Variants in SORCS1 observed in about 807,000 individuals in gnomAD.
SORCS1 encodes sortilin related VPS10 domain containing receptor 1.
Under a neutral mutation model 146.1 loss-of-function variants are expected in SORCS1, and 60 were observed. The observed-to-expected ratio is 0.41, with a 90% confidence interval of 0.33 to 0.51. The LOEUF is 0.51. SORCS1 is among the 20% of genes least tolerant of loss of function. The pLI is 0.21. For missense variants in SORCS1, 1,352 were observed against 1,487.6 expected (o/e 0.91, Z 1.50); for synonymous variants, 637 against 584.0 (o/e 1.09, Z -1.31).
At chr10:107,140,800 T>A (rs1025163738) in intron 1 of SORCS1, among the ~76,000 whole-genome samples, 1 of 152,214 alleles carries the variant, frequency 6.6e-6, no homozygotes, top group African/African-American at 2.4e-5. Flanking sequence ...ACATGCATGA[T>A]CTCTTGTAAT....
intron 2 of SORCS1, among the ~76,000 whole-genome samples, chr10:106,946,836 C>T (rs1227070741): frequency 3.3e-5 from 5 of 152,100 alleles, no homozygotes; most frequent in Non-Finnish European, 5.9e-5. Flanking sequence ...ATGCTTATTC[C>T]CACTGACTAT....
chr10:107,047,702 A>T (rs1253888332), intron 1 of SORCS1, among the ~76,000 whole-genome samples: 4 of 152,138 alleles, frequency 2.6e-5, no homozygotes, highest in South Asian at 2.1e-4. Context: ...TGCGTTGCCA[A>T]TATTTTCCCA....
intron 3 of SORCS1, among the ~76,000 whole-genome samples, chr10:106,824,410 TA>T: frequency 6.6e-6 from 1 of 151,314 alleles, no homozygotes; most frequent in East Asian, 1.9e-4. Flanking sequence ...GCCAAGATGG[TA>T]AAACCCCACC....
At chr10:106,880,147 G>A (rs1169327497) in intron 2 of SORCS1, among the ~76,000 whole-genome samples, 1 of 152,162 alleles carries the variant, frequency 6.6e-6, no homozygotes, top group African/African-American at 2.4e-5. Flanking sequence ...ACCTGGGACA[G>A]GTATTGATCA....
intron 17 of SORCS1, among the ~76,000 whole-genome samples, chr10:106,660,210 C>A (rs773773789): frequency 2.6e-5 from 4 of 152,128 alleles, no homozygotes; most frequent in Non-Finnish European, 4.4e-5. Flanking sequence ...CAGGAAGTGG[C>A]AGGTTAGCAG....
chr10:106,656,811 T>A (rs1485254128), intron 17 of SORCS1, among the ~76,000 whole-genome samples: 2 of 152,188 alleles, frequency 1.3e-5, no homozygotes, highest in African/African-American at 2.4e-5. Flanking sequence ...AATAGATGGA[T>A]ACCCAGGCTC....
intron 1 of SORCS1, among the ~76,000 whole-genome samples, chr10:107,096,941 C>T (rs1052326847): frequency 6.6e-6 from 1 of 152,208 alleles, no homozygotes; most frequent in Non-Finnish European, 1.5e-5. Context: ...CCCCCATTCA[C>T]TTCTCCATGC....
In SORCS1 at chr10:106,729,915, C is replaced by A. The variant is rs78041527; in HGVS notation, c.1024+135G>T. ...AGTCAAAAGAAGCAGGTCACCCCTG[C>A]AACCCCAAATCCTCAGAAACCACAC... On this transcript the variant is annotated intron_variant, in intron 6 of 25. Transcript: ENST00000263054. 2.0e-3 allele frequency: 2,117 copies of A among 1,058,370 alleles called. 29 individuals carry two copies. In the African/African-American group the frequency reaches 0.029, roughly 15 times the overall value. 65.6% of individuals were successfully genotyped at this position (1,058,370 alleles called of 1,614,324 possible). A position where few individuals can be genotyped will look rare whatever the true frequency, so the allele number is the denominator to read the frequency against.
chr10:106,839,691 A>G (rs532479087), intron 2 of SORCS1, among the ~76,000 whole-genome samples: 1 of 152,352 alleles, frequency 6.6e-6, no homozygotes, highest in South Asian at 2.1e-4. Flanking sequence ...AAAGCTAGAG[A>G]GAAGTAGCCA....
At chr10:107,066,175 T>C (rs1961834818) in intron 1 of SORCS1, among the ~76,000 whole-genome samples, 1 of 152,180 alleles carries the variant, frequency 6.6e-6, no homozygotes, top group African/African-American at 2.4e-5. Flanking sequence ...TCATTTGGTC[T>C]GGAATGGAGA....
chr10:106,944,846 A>G (rs1954230772), intron 2 of SORCS1, among the ~76,000 whole-genome samples: 1 of 137,484 alleles, frequency 7.3e-6, no homozygotes, highest in East Asian at 2.2e-4. Context: ...AAAGAGAGCT[A>G]TGGTAGAAAG....
intron 2 of SORCS1, among the ~76,000 whole-genome samples, chr10:106,940,056 G>A (rs1191843208): frequency 1.3e-5 from 2 of 152,292 alleles, no homozygotes; most frequent in Admixed American, 1.3e-4. Context: ...TTGAACAAAT[G>A]TACCTCTGCT....
chr10:106,714,841 C>T (rs941074986), intron 6 of SORCS1, among the ~76,000 whole-genome samples: 2 of 152,244 alleles, frequency 1.3e-5, no homozygotes, highest in African/African-American at 4.8e-5. Context: ...CTTGTTCTTT[C>T]TCTACTTCCC....
intron 1 of SORCS1, among the ~76,000 whole-genome samples, chr10:107,150,794 C>T (rs1590247762): frequency 6.6e-6 from 1 of 152,190 alleles, no homozygotes. Flanking sequence ...CCCGTCTTCA[C>T]TCTACACTTC....
At chr10:107,029,801 A>C (rs898437780) in intron 1 of SORCS1, among the ~76,000 whole-genome samples, 1 of 152,152 alleles carries the variant, frequency 6.6e-6, no homozygotes, top group African/African-American at 2.4e-5. Context: ...ACTCCTATCC[A>C]AGTTTTAGGT....
At chr10:107,130,068 A>C (rs1966851245) in intron 1 of SORCS1, among the ~76,000 whole-genome samples, 1 of 152,224 alleles carries the variant, frequency 6.6e-6, no homozygotes. Flanking sequence ...TCAAGGAAGA[A>C]AAAATGTTTC....
At chr10:106,937,197 T>A (rs542963528) in intron 2 of SORCS1, among the ~76,000 whole-genome samples, 65 of 146,620 alleles carry the variant, frequency 4.4e-4, no homozygotes, top group African/African-American at 1.6e-3. Context: ...TGAGATAGAG[T>A]CTTGCTCTGT....
intron 5 of SORCS1, among the ~76,000 whole-genome samples, chr10:106,739,574 C>T (rs1299402527): frequency 2.0e-5 from 3 of 151,782 alleles, no homozygotes; most frequent in African/African-American, 4.8e-5. Context: ...TTTGGGAGGC[C>T]GAGGCAGGTG....
chr10:106,926,764 T>A (rs1953043036), intron 2 of SORCS1, among the ~76,000 whole-genome samples: 3 of 151,674 alleles, frequency 2.0e-5, no homozygotes, highest in Admixed American at 6.6e-5. Flanking sequence ...AGCATTAAGA[T>A]GGTACTAGAT....
Sources: allele counts gnomAD v4.1 joint callset (sites outside exome capture counted in the v4.1 genomes callset), GRCh38; gene constraint gnomAD v4.1.1; transcripts MANE v1.5; gene names NCBI Gene and HGNC (gene_info 2026-07-23, HGNC 2026-07-21).